SOCS2: variants seen among roughly 807,000 people sequenced by gnomAD.
SOCS2 encodes CIS-2.
A neutral mutation model predicts 18.6 loss-of-function variants in SOCS2; 10 were observed. That is an observed-to-expected ratio of 0.54 (90% CI 0.33 to 0.91). SOCS2 has a LOEUF of 0.91. SOCS2 is among the 40% of genes least tolerant of loss of function. The probability of loss-of-function intolerance (pLI) is 0.02; values close to 1 mark genes in which losing one functional copy is unlikely to be tolerated. For synonymous variants in SOCS2, 104 were observed against 104.0 expected (o/e 1.00, Z 0.00); for missense variants, 231 against 247.2 (o/e 0.93, Z 0.44).
At chr12:93,599,519 G>A in the SOCS2 span, among the ~76,000 whole-genome samples, 3 of 152,190 alleles carry the variant, frequency 2.0e-5, no homozygotes, top group South Asian at 4.1e-4. Flanking sequence ...ACAATCCTTC[G>A]TTGGATTTTA....
the SOCS2 span, among the ~76,000 whole-genome samples, chr12:93,595,278 AT>A: frequency 6.6e-6 from 1 of 152,154 alleles, no homozygotes; most frequent in African/African-American, 2.4e-5. Flanking sequence ...TAATTTTATG[AT>A]TTAATTTTTA....
chr12:93,591,212 C>A, the SOCS2 span, among the ~76,000 whole-genome samples: 4 of 148,190 alleles, frequency 2.7e-5, no homozygotes, highest in African/African-American at 1.0e-4. Flanking sequence ...GAAGAGAGAG[C>A]TTTTATGGTT....
chr12:93,590,125 G>A, the SOCS2 span, among the ~76,000 whole-genome samples: 28,378 of 151,724 alleles, frequency 0.19, 2,825 homozygotes, highest in East Asian at 0.26. Context: ...GGTGGTGCGC[G>A]CCTATAATCT....
chr12:93,618,178 T>G, the SOCS2 span, among the ~76,000 whole-genome samples: 2 of 152,168 alleles, frequency 1.3e-5, no homozygotes, highest in Non-Finnish European at 2.9e-5. Context: ...CCGCCATGAT[T>G]GTAAGTTTCC....
the SOCS2 span, among the ~76,000 whole-genome samples, chr12:93,622,785 G>A: frequency 3.3e-5 from 5 of 152,034 alleles, no homozygotes; most frequent in African/African-American, 4.8e-5. Context: ...CTCAGAAATC[G>A]CTCAAGCACA....
At chr12:93,597,602 C>T in the SOCS2 span, among the ~76,000 whole-genome samples, 2 of 152,118 alleles carry the variant, frequency 1.3e-5, no homozygotes, top group Non-Finnish European at 2.9e-5. Context: ...AGGTGTGAGC[C>T]GCCATGCCCG....
chr12:93,621,296 C>T, the SOCS2 span, among the ~76,000 whole-genome samples: 1 of 152,060 alleles, frequency 6.6e-6, no homozygotes, highest in African/African-American at 2.4e-5. Flanking sequence ...GAAGTTGCCT[C>T]AAAGCACCTG....
chr12:93,574,734 G>A lies in SOCS2; in HGVS notation c.152G>A (p.Gly51Glu), dbSNP rs1292602320. Residue 51 changes from glycine (G) to glutamate (E), a missense_variant, in exon 2 of 2, where the codon GGA (glycine) becomes GAA (glutamate). This residue lies in a region of SOCS2 where 106 missense variants were observed against 103.8 expected (regional missense o/e 1.02). Coordinates refer to ENST00000551556, the MANE Select transcript of SOCS2 (RefSeq NM_001270471.2). ...RELGQTGWYW[G>E]SMTVNEAKEK... is the part of the protein sequence containing the mutation. ...ACAAAAACCCCAGGATGGTACTGGG[G>A]AAGTATGACTGTTAATGAAGCCAAA... 1.2e-6 allele frequency: 2 copies of A among 1,611,146 alleles called. No individual in the cohort carries two copies. The highest frequency in any genetic ancestry group is 3.4e-5 in the Admixed American group (2 of 59,698).
chr12:93,594,284 T>C, the SOCS2 span, among the ~76,000 whole-genome samples: 2 of 152,166 alleles, frequency 1.3e-5, no homozygotes, highest in Non-Finnish European at 2.9e-5. Context: ...AAATAGAAAA[T>C]TGCAATAGAA....
chr12:93,611,142 T>G, the SOCS2 span, among the ~76,000 whole-genome samples: 1 of 152,150 alleles, frequency 6.6e-6, no homozygotes, highest in Non-Finnish European at 1.5e-5. Flanking sequence ...ACCATAGATC[T>G]GCAGTGGACA....
At chr12:93,621,425 G>A in the SOCS2 span, among the ~76,000 whole-genome samples, 1 of 152,100 alleles carries the variant, frequency 6.6e-6, no homozygotes, top group African/African-American at 2.4e-5. Flanking sequence ...CTGGGTCTAG[G>A]TTCAAATCCC....
the SOCS2 span, among the ~76,000 whole-genome samples, chr12:93,588,525 C>T: frequency 4.6e-5 from 7 of 151,996 alleles, no homozygotes; most frequent in South Asian, 1.0e-3. Flanking sequence ...GGAACGTGAT[C>T]GTTGAGGAGG....
chr12:93,580,618 C>CAAAAAAAAA (rs35305411), downstream of SOCS2, among the ~76,000 whole-genome samples: 1 of 73,154 alleles, frequency 1.4e-5, no homozygotes, highest in Non-Finnish European at 2.8e-5. Context: ...GAGACTGTCT[C>CAAAAAAAAA]AAAAAAAAAA....
At chr12:93,621,986 A>G in the SOCS2 span, among the ~76,000 whole-genome samples, 4 of 152,188 alleles carry the variant, frequency 2.6e-5, no homozygotes, top group African/African-American at 9.7e-5. Flanking sequence ...TTTTAAACTC[A>G]TTTAATTTAG....
the SOCS2 span, among the ~76,000 whole-genome samples, chr12:93,614,542 T>TC: frequency 2.3e-4 from 7 of 30,430 alleles, 1 homozygote; most frequent in African/African-American, 4.5e-4. Context: ...CTTCCTTCCT[T>TC]CTTTCTTTCT....
downstream of SOCS2, among the ~76,000 whole-genome samples, chr12:93,578,316 C>T (rs1954493909): frequency 6.6e-6 from 1 of 152,042 alleles, no homozygotes; most frequent in Non-Finnish European, 1.5e-5. Context: ...GAAAATTGTA[C>T]CCTGTTAGGA....
At chr12:93,614,413 CTT>C in the SOCS2 span, among the ~76,000 whole-genome samples, 13 of 128,074 alleles carry the variant, frequency 1.0e-4, 1 homozygote, top group South Asian at 2.6e-4. Flanking sequence ...TTCTTTCTTT[CTT>C]TCTTCCTTTC....
intron 1 of SOCS2, chr12:93,573,260 G>A (rs535981786): frequency 3.3e-6 from 2 of 607,888 alleles, no homozygotes; most frequent in Non-Finnish European, 5.8e-6. Flanking sequence ...CGCGGGAAGA[G>A]CTTCTTGGAA....
At chr12:93,581,210 A>G (rs1032828979), downstream of SOCS2, among the ~76,000 whole-genome samples, 1 of 152,222 alleles carries the variant, frequency 6.6e-6, no homozygotes, top group African/African-American at 2.4e-5. Context: ...CCATGGTGGG[A>G]GTATTACACC....
Sources: gnomAD v4.1 joint callset for allele counts (sites outside exome capture counted in the v4.1 genomes callset) on GRCh38, gnomAD v4.1.1 for gene constraint, gnomAD v4.1.1 regional missense constraint, MANE v1.5 for transcripts, NCBI Gene and HGNC (gene_info 2026-07-23, HGNC 2026-07-21) for gene names.